The following FOXP4 variants were observed in gnomAD, a reference collection of about 807,000 sequenced individuals.
FOXP4 encodes the protein forkhead box protein P4.
Under a neutral mutation model 82.6 loss-of-function variants are expected in FOXP4, and 25 were observed. That is an observed-to-expected ratio of 0.30 (90% confidence interval 0.22 to 0.42). The LOEUF is 0.42. Ranked by LOEUF, FOXP4 falls within the 10% of genes least tolerant of loss-of-function variation. The probability of loss-of-function intolerance (pLI) is 1.00; values close to 1 mark genes in which losing one functional copy is unlikely to be tolerated. For missense variants in FOXP4, 785 were observed against 900.9 expected (o/e 0.87, Z 1.65); for synonymous variants, 415 against 388.2 (o/e 1.07, Z -0.81).
chr6:41,566,000 G>T, intron 2 of FOXP4, 36 bp downstream of exon 2: 1 of 1,587,462 alleles, frequency 6.3e-7, no homozygotes, highest in South Asian at 1.1e-5. Context: ...TCTGGGAGCG[G>T]GAGAGGGGCA....
chr6:41,590,057 C>T lies in FOXP4; in HGVS notation c.1244C>T (p.Ala415Val). Residue 415 changes from alanine to valine, a missense_variant, in exon 11 of 17, where the codon GCC (alanine) becomes GTC (valine). Ala to Val is a moderately conservative substitution (Grantham distance 64). Coordinates refer to ENST00000307972, the MANE Select transcript of FOXP4 (RefSeq NM_001012426.2). ...GGTCTCGTGCACCCCCCGACCTCGGCCGCAGCCCCTGTCACCCCTCTACGG... is the reference window on the plus strand; with the variant it reads ...GGTCTCGTGCACCCCCCGACCTCGGTCGCAGCCCCTGTCACCCCTCTACGG... Reference protein sequence around the residue: ...PDGLVHPPTSAAAPVTPLRPP... With the variant: ...PDGLVHPPTSVAAPVTPLRPP... The T allele has an allele frequency of 1.2e-6, 2 of 1,613,910 alleles. No individual in the cohort carries two copies. Among genetic ancestry groups the T allele is most frequent in the Non-Finnish European group, 1.7e-6 (2 of 1,179,982 alleles).
Position 41,591,782 on chromosome 6 carries a change from C to CCA in FOXP4, c.1536+465_1536+466dup, listed in dbSNP as rs1766527521. Among the ~76,000 whole-genome samples, 1 of 152,176 alleles carries CCA rather than the reference C, an allele frequency of 6.6e-6. No homozygotes were observed. The highest frequency in any genetic ancestry group is 2.4e-5 in the African/African-American group (1 of 41,430). Reference sequence around the variant, plus strand: ...ACACGGATGGACCAAGAGCCGTGGACCACACATTGGGGCACTGACGGCACT... The same window carrying CCA: ...ACACGGATGGACCAAGAGCCGTGGACCACACACATTGGGGCACTGACGGCACT... On this transcript the variant is annotated intron_variant, in intron 13 of 16. Transcript: ENST00000307972. The surrounding 1 kb of genome is among the most constrained non-coding windows in gnomAD (Gnocchi z 4.2).
At chr6:41,565,560 C>T (rs535392668) in intron 1 of FOXP4, among the ~76,000 whole-genome samples, 185 bp from the exon 2 acceptor site, 1 of 152,316 alleles carries the variant, frequency 6.6e-6, no homozygotes, top group East Asian at 1.9e-4. Flanking sequence ...AGCCACCCCT[C>T]ACCTGGGGGG....
chr6:41,556,204 C>G (rs1456910791), intron 1 of FOXP4, among the ~76,000 whole-genome samples: 1 of 152,012 alleles, frequency 6.6e-6, no homozygotes, highest in Non-Finnish European at 1.5e-5. Context: ...GTCAGGTAAC[C>G]TTGTCAAGTC....
chr6:41,564,596 CAG>C (rs1764771777), intron 1 of FOXP4, among the ~76,000 whole-genome samples: 1 of 152,158 alleles, frequency 6.6e-6, no homozygotes, highest in Admixed American at 6.5e-5. Flanking sequence ...TTTCTGGGGT[CAG>C]GGGATCCAGA....
At chr6:41,566,775 A>G (rs1764904582) in intron 2 of FOXP4, among the ~76,000 whole-genome samples, 1 of 152,144 alleles carries the variant, frequency 6.6e-6, no homozygotes, top group Non-Finnish European at 1.5e-5. Flanking sequence ...TGCTCCTGGA[A>G]TCACTGCTGG....
chr6:41,587,031 C>T lies in FOXP4; in HGVS notation c.533C>T (p.Ala178Val), dbSNP rs774695569. The T allele has an allele frequency of 5.6e-6, 9 of 1,597,276 alleles. No homozygotes were observed. Among genetic ancestry groups the T allele is most frequent in the Non-Finnish European group, 6.8e-6 (8 of 1,168,406 alleles). The change falls in exon 6 of 17, where the codon GCC becomes GTC. Residue 178 changes from alanine (A) to valine (V), a missense_variant. Around this residue, in one of 3 missense-constraint regions of FOXP4, gnomAD observed 570 missense variants for 634.0 expected, o/e 0.90. Coordinates refer to ENST00000307972, the MANE Select transcript of FOXP4 (RefSeq NM_001012426.2). ...PKEALGNKQL[A>V]FQQQLLQMQQ... ...CAGGCACTGGGGAACAAGCAGCTGGCCTTCCAGCAGCAGCTCCTGCAAATG... is the reference window on the plus strand; with the variant it reads ...CAGGCACTGGGGAACAAGCAGCTGGTCTTCCAGCAGCAGCTCCTGCAAATG...
chr6:41,594,913 G>A lies in FOXP4; in HGVS notation c.1580G>A (p.Arg527His), dbSNP rs773406772. Residue 527 changes from arginine (R) to histidine (H), a missense_variant, in exon 14 of 17, where the codon CGC becomes CAC. Physicochemically the swap from Arg to His is conservative, Grantham distance 29 (BLOSUM62 0). Around this residue, in one of 3 missense-constraint regions of FOXP4, gnomAD observed 31 missense variants for 79.6 expected, o/e 0.39. Transcript: ENST00000307972. ...CTCAGCCTGCACAAGTGCTTCGTCC[G>A]CGTGGAGAACGTCAAGGGTGCCGTG... ...HNLSLHKCFVRVENVKGAVWT... is the reference protein window; with the variant it reads ...HNLSLHKCFVHVENVKGAVWT... 3 of 1,614,188 alleles carry A rather than the reference G, an allele frequency of 1.9e-6. No individual in the cohort carries two copies. Among genetic ancestry groups the A allele is most frequent in the Non-Finnish European group, 8.5e-7 (1 of 1,180,038 alleles).
In FOXP4 at chr6:41,585,449, A is replaced by G. The variant is rs1175349736; in HGVS notation, c.442A>G (p.Lys148Glu). 1 of 1,613,730 alleles carries G rather than the reference A, an allele frequency of 6.2e-7. No homozygotes were observed. The highest frequency in any genetic ancestry group is 2.2e-5 in the East Asian group (1 of 44,884). ...CCCCCAGCTACAGGAGTACTACAAG[A>G]AGCAGCAGGAGCAGCTCCACCTGCA... Reference protein sequence around the residue: ...MLQQLQEYYKKQQEQLHLQLL... With the variant: ...MLQQLQEYYKEQQEQLHLQLL... The change falls in exon 5 of 17, where the codon AAG becomes GAG. Residue 148 changes from lysine (K) to glutamate (E), a missense_variant. Physicochemically the swap from Lys to Glu is moderately conservative, Grantham distance 56 (BLOSUM62 1). Transcript: ENST00000307972.
In FOXP4 at chr6:41,565,874, T is replaced by A. The variant is rs1468731287; in HGVS notation, c.114T>A (p.Thr38=). ...GCAGCGGCGGGGCCACAGGGACAAC[T>A]GCAAGTGGCACGGGCAGGGAAGTGA... ...DGSSGGATGT[T]ASGTGREVTT... Residue 38 remains threonine (T), a synonymous_variant, in exon 2 of 17, where the codon ACT becomes ACA. Transcript: ENST00000307972. 1 of 1,613,792 alleles carries A rather than the reference T, an allele frequency of 6.2e-7. No homozygotes were observed. Among genetic ancestry groups the A allele is most frequent in the Non-Finnish European group, 8.5e-7 (1 of 1,180,036 alleles).
chr6:41,589,384 C>G (rs1156861020), intron 9 of FOXP4, among the ~76,000 whole-genome samples: 1 of 152,256 alleles, frequency 6.6e-6, no homozygotes, highest in Non-Finnish European at 1.5e-5. Flanking sequence ...TCATCAGTTC[C>G]TGCATCTGCA....
intron 1 of FOXP4, among the ~76,000 whole-genome samples, chr6:41,555,808 T>G (rs151226504): frequency 3.3e-5 from 5 of 152,264 alleles, no homozygotes; most frequent in African/African-American, 1.2e-4. Flanking sequence ...GTTGTGGACA[T>G]GCTGTAGTTA....
intron 13 of FOXP4, 40 bp from the exon 14 acceptor site, chr6:41,594,830 A>G (rs1766728144): frequency 6.2e-7 from 1 of 1,611,408 alleles, no homozygotes; most frequent in South Asian, 1.1e-5. Flanking sequence ...GTGCTTGGCC[A>G]AGCAAGCCGC....
intron 6 of FOXP4, 30 bp downstream of exon 6, chr6:41,587,186 C>G (rs375273131): frequency 6.8e-6 from 11 of 1,608,836 alleles, no homozygotes; most frequent in Non-Finnish European, 8.5e-6. Flanking sequence ...CCCCTCCCAG[C>G]CCCAACCCCA....
At chr6:41,595,317 G>A (rs1766768268) in intron 14 of FOXP4, among the ~76,000 whole-genome samples, 1 of 152,016 alleles carries the variant, frequency 6.6e-6, no homozygotes, top group Non-Finnish European at 1.5e-5. Context: ...GCAGATGCCA[G>A]CCAACGGGCC....
At chr6:41,561,761 T>C (rs1764594602) in intron 1 of FOXP4, among the ~76,000 whole-genome samples, 1 of 152,170 alleles carries the variant, frequency 6.6e-6, no homozygotes, top group Non-Finnish European at 1.5e-5. Flanking sequence ...AGTACTGTGG[T>C]TTCATGTCCA....
Position 41,597,783 on chromosome 6 carries a change from C to T in FOXP4, c.1728C>T (p.Ala576=), listed in dbSNP as rs184617817. 3.6e-5 allele frequency: 58 copies of T among 1,606,366 alleles called. 2 individuals carry two copies. The highest frequency in any genetic ancestry group is 1.2e-4 in the African/African-American group (9 of 74,992). ...SYGALNASYQ[A]ALAESSFPLL... is the part of the protein sequence containing the mutation. ...GGCCCAACCCTGTGCCCCTGCAGGC[C>T]GCCCTGGCCGAGAGCAGCTTCCCCC... The change falls in exon 16 of 17, where the codon GCC becomes GCT. Residue 576 remains alanine (A), a splice_region_variant and synonymous_variant. Coordinates refer to ENST00000307972, the MANE Select transcript of FOXP4 (RefSeq NM_001012426.2).
chr6:41,589,920 C>T, intron 10 of FOXP4, 43 bp from the exon 11 acceptor site: 1 of 1,610,726 alleles, frequency 6.2e-7, no homozygotes, highest in South Asian at 1.1e-5. Context: ...TCGGGACCCC[C>T]ACCCTCGGGC....
In FOXP4 at chr6:41,594,052, G is replaced by A. The variant is rs138475180; in HGVS notation, c.1537-818G>A. Among the ~76,000 whole-genome samples, 638 of 152,264 alleles carry A rather than the reference G, an allele frequency of 4.2e-3. 4 individuals are homozygous for A. The highest frequency in any genetic ancestry group is 0.014 in the African/African-American group (597 of 41,544). ...CAGGACTGAGGGACACGATGAGGTG[G>A]GGCAGACTAGGGCCCTAGTCCGGGC... is the stretch of plus-strand genomic sequence containing the variant. On this transcript the variant is annotated intron_variant, in intron 13 of 16. Transcript: ENST00000307972.
Sources: gnomAD v4.1 joint callset for allele counts (sites outside exome capture counted in the v4.1 genomes callset) on GRCh38, gnomAD v4.1.1 for gene constraint, gnomAD v4.1.1 regional missense constraint, Gnocchi (gnomAD v3.1) non-coding constraint, MANE v1.5 for transcripts, NCBI Gene and HGNC (gene_info 2026-07-23, HGNC 2026-07-21) for gene names.